The following VPS54 variants were observed in gnomAD, a reference collection of about 807,000 sequenced individuals.
VPS54 encodes the protein vacuolar protein sorting-associated protein 54.
A neutral mutation model predicts 121.5 loss-of-function variants in VPS54; 45 were observed. The observed-to-expected ratio is 0.37, with a 90% CI of 0.29 to 0.47. The LOEUF (loss-of-function observed/expected upper bound fraction) is 0.47, where lower values mean the gene tolerates loss of function less well. VPS54 is among the 20% of genes least tolerant of loss of function. VPS54 has a pLI of 0.99. For synonymous variants in VPS54, 371 were observed against 385.8 expected (o/e 0.96, Z 0.45); for missense variants, 1,090 against 1,131.4 (o/e 0.96, Z 0.52).
At chr2:63,923,997 G>A (rs1342151406) in intron 12 of VPS54, among the ~76,000 whole-genome samples, 1 of 152,224 alleles carries the variant, frequency 6.6e-6, no homozygotes, top group African/African-American at 2.4e-5. Context: ...GTAGTTCCCA[G>A]ACATTTATGT....
In VPS54 at chr2:63,912,786, G is replaced by A. The variant is rs746650701; in HGVS notation, c.2423-125C>T. 8.2e-4 allele frequency: 999 copies of A among 1,218,188 alleles called. 1 individual carries two copies. The highest frequency in any genetic ancestry group is 9.5e-4 in the Non-Finnish European group (852 of 896,192). The allele number at this position is 1,218,188 out of a possible 1,614,324, so 75.5% of individuals were successfully genotyped here. ...TAAAGAACCAGTTTATTTCATAAAC[G>A]AAGAGCCCTATGGCAGAAGGCAACA... On this transcript the variant is annotated intron_variant, in intron 18 of 22. Coordinates refer to ENST00000272322, the MANE Select transcript of VPS54 (RefSeq NM_016516.3).
intron 1 of VPS54, among the ~76,000 whole-genome samples, chr2:63,998,696 TTAAC>T (rs986900492): frequency 1.2e-4 from 19 of 152,250 alleles, no homozygotes; most frequent in African/African-American, 3.9e-4. Flanking sequence ...ACTCTGCACT[TTAAC>T]TATGTCCCCC....
chr2:63,907,598 G>A (rs948533629), intron 20 of VPS54, among the ~76,000 whole-genome samples: 3 of 151,436 alleles, frequency 2.0e-5, no homozygotes, highest in African/African-American at 4.9e-5. Flanking sequence ...TAAATAAACT[G>A]AATTTCATCA....
chr2:64,014,531 T>C (rs1220459534), intron 1 of VPS54, among the ~76,000 whole-genome samples: 1 of 140,302 alleles, frequency 7.1e-6, no homozygotes, highest in Non-Finnish European at 1.6e-5. Flanking sequence ...ATTATAGTGA[T>C]ATACTAGTTA....
intron 3 of VPS54, among the ~76,000 whole-genome samples, chr2:63,979,423 T>G (rs923826709): frequency 6.6e-6 from 1 of 151,754 alleles, no homozygotes; most frequent in Admixed American, 6.6e-5. Context: ...TGTATTTTTA[T>G]AGAGACAGGG....
At chr2:63,940,300 CT>C (rs1273842619) in intron 11 of VPS54, among the ~76,000 whole-genome samples, 2 of 152,066 alleles carry the variant, frequency 1.3e-5, no homozygotes, top group African/African-American at 2.4e-5. Context: ...GAATCACAAA[CT>C]TTTTTCACAG....
intron 11 of VPS54, among the ~76,000 whole-genome samples, chr2:63,941,298 C>T (rs1176421787): frequency 6.6e-6 from 1 of 152,130 alleles, no homozygotes; most frequent in Non-Finnish European, 1.5e-5. Context: ...AATCATGCCT[C>T]ACTGCAGCCT....
rs143541012 is a variant in VPS54, at chr2:63,934,168, G to A, written c.1399-155C>T. Among the ~76,000 whole-genome samples the A allele has an allele frequency of 1.5e-3, 224 of 152,192 alleles. 2 individuals carry two copies. The highest frequency in any genetic ancestry group is 5.3e-3 in the African/African-American group (219 of 41,522). ...ATTTCTACCGATCTTTTATTACATA[G>A]GAAAAGTGATGTGAAAAAGAACTGG... On this transcript the variant is annotated intron_variant, in intron 11 of 22. Transcript: ENST00000272322.
chr2:63,940,446 T>A (rs1674665848), intron 11 of VPS54, among the ~76,000 whole-genome samples: 1 of 152,188 alleles, frequency 6.6e-6, no homozygotes, highest in Admixed American at 6.5e-5. Flanking sequence ...AAATAATAAC[T>A]CTACTTAGTT....
Position 63,962,340 on chromosome 2 carries a change from T to C in VPS54, c.728A>G (p.Asp243Gly). ...HAMTSQHELQ[D>G]YLRKTSQAVK... is the part of the protein sequence containing the mutation. ...AGCCTGGGAAGTTTTCCTGAGGTAG[T>C]CCTGCAACTCGTGTTGAGAGGTCAT... Residue 243 changes from aspartate to glycine, a missense_variant, in exon 7 of 23, where the codon GAC becomes GGC. By Grantham distance (94) the Asp-to-Gly change is moderately conservative. Transcript: ENST00000272322. 6.2e-7 allele frequency: 1 copy of C among 1,614,064 alleles called. No homozygotes were observed. Among genetic ancestry groups the C allele is most frequent in the Non-Finnish European group, 8.5e-7 (1 of 1,179,926 alleles).
At chr2:63,974,016 C>G (rs1676405539) in intron 3 of VPS54, among the ~76,000 whole-genome samples, 5 of 152,100 alleles carry the variant, frequency 3.3e-5, no homozygotes, top group Admixed American at 3.3e-4. Context: ...ATCTAAAAAG[C>G]CATTACCAAA....
intron 16 of VPS54, among the ~76,000 whole-genome samples, 199 bp from the exon 17 acceptor site, chr2:63,914,486 T>C (rs1257311601): frequency 6.6e-6 from 1 of 152,178 alleles, no homozygotes; most frequent in East Asian, 1.9e-4. Context: ...GTGTCTAGAA[T>C]GCAAAATTTA....
At chr2:63,941,506 T>C (rs1674730431) in intron 11 of VPS54, among the ~76,000 whole-genome samples, 1 of 152,174 alleles carries the variant, frequency 6.6e-6, no homozygotes, top group African/African-American at 2.4e-5. Flanking sequence ...GGATTACAGG[T>C]GTAATCCACC....
rs188028500 is a variant in VPS54 at position 63,892,894 on chromosome 2, T to G, written c.*536A>C. 616 of 153,294 alleles carry G rather than the reference T, an allele frequency of 4.0e-3. 21 individuals are homozygous for G. The highest frequency in any genetic ancestry group is 0.038 in the Admixed American group (581 of 15,406). The allele number at this position is 153,294 out of a possible 1,614,324, so 9.5% of individuals were successfully genotyped here. On this transcript the variant is annotated 3_prime_UTR_variant, in exon 23 of 23. Coordinates refer to ENST00000272322, the MANE Select transcript of VPS54 (RefSeq NM_016516.3). ...TTGGTCACTGAAACAAAAATTGAAT[T>G]CCTAAATCCAAGCAATCAAAAGATG...
intron 7 of VPS54, among the ~76,000 whole-genome samples, chr2:63,951,617 G>A (rs1675248404): frequency 6.6e-6 from 1 of 152,112 alleles, no homozygotes; most frequent in African/African-American, 2.4e-5. Context: ...GCCATATACA[G>A]TCTGTGTGCA....
At chr2:63,978,047 G>T (rs1016109892) in intron 3 of VPS54, among the ~76,000 whole-genome samples, 2 of 152,210 alleles carry the variant, frequency 1.3e-5, no homozygotes, top group Non-Finnish European at 2.9e-5. Flanking sequence ...AATGCGTGAA[G>T]GGAGGGGAAG....
intron 1 of VPS54, among the ~76,000 whole-genome samples, chr2:64,015,437 T>A (rs1236675091): frequency 6.6e-6 from 1 of 152,148 alleles, no homozygotes; most frequent in Non-Finnish European, 1.5e-5. Flanking sequence ...CTGAGACTAT[T>A]CTCCCACCTG....
chr2:63,894,794 G>A (rs1447659456), intron 22 of VPS54, among the ~76,000 whole-genome samples: 1 of 151,742 alleles, frequency 6.6e-6, no homozygotes, highest in Non-Finnish European at 1.5e-5. Context: ...CAGTAAAAAT[G>A]CCTAGTAGAA....
At chr2:63,937,309 A>C (rs1674498421) in intron 11 of VPS54, among the ~76,000 whole-genome samples, 1 of 152,130 alleles carries the variant, frequency 6.6e-6, no homozygotes, top group Non-Finnish European at 1.5e-5. Context: ...CAACAAAAAA[A>C]CCAAACCACC....
Sources: gnomAD v4.1 joint callset for allele counts (sites outside exome capture counted in the v4.1 genomes callset) on GRCh38, gnomAD v4.1.1 for gene constraint, MANE v1.5 for transcripts, NCBI Gene and HGNC (gene_info 2026-07-23, HGNC 2026-07-21) for gene names.